Variants in LGR4 observed in about 807,000 individuals in gnomAD.
The protein encoded by LGR4 is leucine rich repeat containing G protein-coupled receptor 4.
LGR4 carries 44 observed loss-of-function variants against 84.8 expected under a neutral mutation model. The observed-to-expected ratio is 0.52, with a 90% CI of 0.41 to 0.67. The LOEUF is 0.67. Ranked by LOEUF, LGR4 falls within the 30% of genes least tolerant of loss-of-function variation. The pLI, the probability that LGR4 is intolerant of heterozygous loss-of-function variation, is 0.00. For missense variants in LGR4, 1,032 were observed against 1,131.4 expected (o/e 0.91, Z 1.26); for synonymous variants, 429 against 434.3 (o/e 0.99, Z 0.15).
intron 2 of LGR4, among the ~76,000 whole-genome samples, chr11:27,392,851 C>T (rs1863312552): frequency 6.6e-6 from 1 of 152,092 alleles, no homozygotes; most frequent in Non-Finnish European, 1.5e-5. Flanking sequence ...CTAAGGGCCT[C>T]ATAAATACAA....
intron 2 of LGR4, among the ~76,000 whole-genome samples, chr11:27,411,444 G>A (rs1863710159): frequency 6.6e-6 from 1 of 150,596 alleles, no homozygotes; most frequent in African/African-American, 2.4e-5. Context: ...TCTACCCAAG[G>A]ATAACATTTG....
Position 27,368,436 on chromosome 11 carries a change from C to A in LGR4, c.2287G>T (p.Val763Leu), listed in dbSNP as rs1862810584. 1 of 1,614,160 alleles carries A rather than the reference C, an allele frequency of 6.2e-7. No homozygotes were observed. Among genetic ancestry groups the A allele is most frequent in the Non-Finnish European group, 8.5e-7 (1 of 1,180,028 alleles). Reference sequence around the variant, plus strand: ...AATGGTGCAAATGAAAAAAACGCCACAGGGCAGAAAAAGATGCAATTGGTG... The same window carrying A: ...AATGGTGCAAATGAAAAAAACGCCAAAGGGCAGAAAAAGATGCAATTGGTG... ...IFTNCIFFCP[V>L]AFFSFAPLIT... The change falls in exon 18 of 18, where the codon GTG (valine) becomes TTG (leucine). Residue 763 changes from valine to leucine, a missense_variant. Transcript: ENST00000379214.
intron 1 of LGR4, among the ~76,000 whole-genome samples, chr11:27,439,612 C>G (rs942201048): frequency 6.6e-6 from 1 of 152,144 alleles, no homozygotes; most frequent in Non-Finnish European, 1.5e-5. Flanking sequence ...ATTGCTGGGC[C>G]ATATGGCAAC....
chr11:27,392,386 G>T, intron 3 of LGR4, 61 bp downstream of exon 3: 1 of 1,306,650 alleles, frequency 7.7e-7, no homozygotes, highest in South Asian at 1.4e-5. Flanking sequence ...TTCCAAGCAT[G>T]TTGACTACGC....
chr11:27,409,053 A>G (rs1863662613), intron 2 of LGR4, among the ~76,000 whole-genome samples: 1 of 152,184 alleles, frequency 6.6e-6, no homozygotes, highest in Admixed American at 6.6e-5. Context: ...AGTAGGTTAA[A>G]TATACAGAAG....
At chr11:27,409,813 T>C (rs948098845) in intron 2 of LGR4, among the ~76,000 whole-genome samples, 1 of 152,164 alleles carries the variant, frequency 6.6e-6, no homozygotes, top group African/African-American at 2.4e-5. Flanking sequence ...GGTTAATTCC[T>C]ACATGTCCTT....
In LGR4 at chr11:27,429,103, C is replaced by A. The variant is rs368460335; in HGVS notation, c.186-16243G>T. ...TGGGCAACACGGAGCATTAAAACTG[C>A]AGAAGTGGATGGCATCACTTAGAGA... On this transcript the variant is annotated intron_variant, in intron 1 of 17. Transcript: ENST00000379214. 4.6e-5 allele frequency among the ~76,000 whole-genome samples: 7 copies of A among 152,016 alleles called. No homozygotes were observed. In the East Asian group the frequency reaches 9.6e-4, roughly 21 times the overall value.
intron 1 of LGR4, among the ~76,000 whole-genome samples, chr11:27,460,276 A>C (rs1174027750): frequency 1.3e-5 from 2 of 152,146 alleles, no homozygotes; most frequent in African/African-American, 4.8e-5. Context: ...ATGCAACGGA[A>C]ACCTTTAAAG....
chr11:27,380,865 A>C (rs1459592089), intron 8 of LGR4, 30 bp downstream of exon 8: 1 of 1,350,830 alleles, frequency 7.4e-7, no homozygotes, highest in African/African-American at 1.4e-5. Flanking sequence ...ACATAATTAT[A>C]CATTAAAAGA....
intron 1 of LGR4, among the ~76,000 whole-genome samples, chr11:27,466,395 CCATT>C (rs1177675165): frequency 6.6e-6 from 1 of 152,134 alleles, no homozygotes; most frequent in African/African-American, 2.4e-5. Flanking sequence ...AGTCAAATGT[CCATT>C]ATTTATTGAT....
rs1403714885 is a variant in LGR4, at chr11:27,380,952, T to C, written c.773A>G (p.Asn258Ser). The change falls in exon 8 of 18, where the codon AAT becomes AGT. Residue 258 changes from asparagine to serine, a missense_variant. Asn to Ser is a conservative substitution (Grantham distance 46). Coordinates refer to ENST00000379214, the MANE Select transcript of LGR4 (RefSeq NM_018490.5). ...PSLKELGFHSNSISVIPDGAF... is the reference protein window; with the variant it reads ...PSLKELGFHSSSISVIPDGAF... ...TCCATCAGGGATAACAGAAATAGAA[T>C]TACTATGAAATCCTCTAGAAAGATA... The C allele has an allele frequency of 6.5e-7, 1 of 1,536,828 alleles. No homozygotes were observed. Among genetic ancestry groups the C allele is most frequent in the Admixed American group, 1.7e-5 (1 of 59,652 alleles).
intron 1 of LGR4, among the ~76,000 whole-genome samples, chr11:27,467,436 C>T (rs908530330): frequency 5.3e-5 from 8 of 151,814 alleles, no homozygotes; most frequent in African/African-American, 1.7e-4. Flanking sequence ...GGCATGGTGG[C>T]GGGTGCCTGT....
chr11:27,472,239 T>C lies in LGR4; in HGVS notation c.64A>G (p.Ser22Gly). The C allele has an allele frequency of 1.5e-6, 2 of 1,334,758 alleles. No homozygotes were observed. The highest frequency in any genetic ancestry group is 3.7e-5 in the Admixed American group (1 of 26,804). 82.7% of individuals were successfully genotyped at this position (1,334,758 alleles called of 1,614,324 possible). A position where few individuals can be genotyped will look rare whatever the true frequency, so the allele number is the denominator to read the frequency against. ...ALGLLGSAGP[S>G]GAAPPLCAAP... ...GCGCAGAGAGGCGGCGCCGCGCCGC[T>C]GGGCCCGGCCGAGCCGAGCAGCCCC... The change falls in exon 1 of 18, where the codon AGC becomes GGC. Residue 22 changes from serine to glycine, a missense_variant. Physicochemically the swap from Ser to Gly is moderately conservative, Grantham distance 56. Transcript: ENST00000379214.
At chr11:27,426,195 G>A (rs140407748) in intron 1 of LGR4, among the ~76,000 whole-genome samples, 153 of 152,234 alleles carry the variant, frequency 1.0e-3, no homozygotes, top group African/African-American at 3.5e-3. Context: ...ATAAGTTTCC[G>A]GGAAAGACCA....
At chr11:27,423,524 A>G (rs1322192333) in intron 1 of LGR4, among the ~76,000 whole-genome samples, 4 of 152,278 alleles carry the variant, frequency 2.6e-5, no homozygotes, top group Non-Finnish European at 4.4e-5. Flanking sequence ...CTATCCTTAA[A>G]GAAATGACTC....
chr11:27,426,785 T>A (rs1370782703), intron 1 of LGR4, among the ~76,000 whole-genome samples: 4 of 152,216 alleles, frequency 2.6e-5, no homozygotes, highest in Non-Finnish European at 5.9e-5. Flanking sequence ...AAATAATTCA[T>A]TAAAGTATCA....
chr11:27,378,558 A>G, intron 11 of LGR4, 139 bp downstream of exon 11: 1 of 672,560 alleles, frequency 1.5e-6, no homozygotes, highest in South Asian at 1.7e-5. Flanking sequence ...GATGACTCAA[A>G]TATCTGCTCC....
Position 27,472,305 on chromosome 11 carries a change from C to G in LGR4, c.-3G>C, listed in dbSNP as rs1864893929. On this transcript the variant is annotated 5_prime_UTR_variant, in exon 1 of 18. Transcript: ENST00000379214. ...AGCAGCCCTAGCGGGCCCGGCATTG[C>G]TGCGGCCGCCTCCCGCGCCGGCCTC... The G allele has an allele frequency of 5.8e-6, 7 of 1,200,706 alleles. No individual in the cohort carries two copies. Among genetic ancestry groups the G allele is most frequent in the Non-Finnish European group, 7.2e-6 (7 of 968,446 alleles). 74.4% of individuals were successfully genotyped at this position (1,200,706 alleles called of 1,614,324 possible).
Position 27,385,329 on chromosome 11 carries a change from C to T in LGR4, c.541G>A (p.Ala181Thr). 6.2e-7 allele frequency: 1 copy of T among 1,611,112 alleles called. No homozygotes were observed. Among genetic ancestry groups the T allele is most frequent in the Non-Finnish European group, 8.5e-7 (1 of 1,178,884 alleles). ...ATCTTGTTGAGAGCCAGGGTCAGCG[C>T]CTGTAGGGTGGGCAGATTGCTGAGG... ...HPLSNLPTLQ[A>T]LTLALNKISS... is the part of the protein sequence containing the mutation. Residue 181 changes from alanine to threonine, a missense_variant, in exon 5 of 18, where the codon GCG becomes ACG. Physicochemically the swap from Ala to Thr is moderately conservative, Grantham distance 58. Coordinates refer to ENST00000379214, the MANE Select transcript of LGR4 (RefSeq NM_018490.5).
Sources: gnomAD v4.1 joint callset for allele counts (sites outside exome capture counted in the v4.1 genomes callset) on GRCh38, gnomAD v4.1.1 for gene constraint, MANE v1.5 for transcripts, NCBI Gene and HGNC (gene_info 2026-07-23, HGNC 2026-07-21) for gene names.